The following AKAP9 variants were observed in gnomAD, a reference collection of about 807,000 sequenced individuals.
AKAP9 encodes the protein A-kinase anchor protein 9.
In AKAP9, 311 loss-of-function variants were observed where a neutral mutation model predicts 488.5. The ratio of observed to expected loss-of-function variants is 0.64; its 90% CI spans 0.58 to 0.70. The LOEUF is 0.70. AKAP9 is among the 30% of genes least tolerant of loss of function. AKAP9 has a pLI of 0.00. For synonymous variants in AKAP9, 1,462 were observed against 1,483.5 expected, an observed-to-expected ratio of 0.99 and a Z score of 0.33; for missense variants, 4,215 against 4,374.5, an observed-to-expected ratio of 0.96 and a Z score of 1.03.
Position 92,038,632 on chromosome 7 carries a change from A to G in AKAP9, c.4552A>G (p.Ser1518Gly), listed in dbSNP as rs776312514. ...ATTTAAAGAAGAATTTAAACCACTT[A>G]GTAAAGAGTTAGGAGAACATGGAAA... The part of the protein sequence containing the change: ...VKFKEEFKPL[S>G]KELGEHGKEI... Residue 1518 changes from serine to glycine, a missense_variant, in exon 17 of 50, where the codon AGT (serine) becomes GGT (glycine). Transcript: ENST00000356239. 9.9e-6 allele frequency: 16 copies of G among 1,613,640 alleles called. No homozygotes were observed. Among genetic ancestry groups the G allele is most frequent in the Non-Finnish European group, 1.4e-5 (16 of 1,179,786 alleles).
Position 92,011,390 on chromosome 7 carries a change from T to C in AKAP9, c.3319-1039T>C, listed in dbSNP as rs535785006. On this transcript the variant is annotated intron_variant, in intron 8 of 49. Coordinates refer to ENST00000356239, the MANE Select transcript of AKAP9 (RefSeq NM_005751.5). Reference sequence around the variant, plus strand: ...TGAAGCATGTAAAGACCTCACTATATGCCAATATGTACCGTATTCATAGTG... The same window carrying C: ...TGAAGCATGTAAAGACCTCACTATACGCCAATATGTACCGTATTCATAGTG... Among the ~76,000 whole-genome samples the C allele has an allele frequency of 3.3e-5, 5 of 152,330 alleles. 1 individual carries two copies. Among genetic ancestry groups the C allele is most frequent in the African/African-American group, 1.2e-4 (5 of 41,584 alleles).
At chr7:92,053,415 A>G (rs1808304150) in intron 22 of AKAP9, among the ~76,000 whole-genome samples, 1 of 152,190 alleles carries the variant, frequency 6.6e-6, no homozygotes, top group East Asian at 1.9e-4. Context: ...TAAATAAATC[A>G]GAAGTGGTCA....
chr7:91,980,511 T>TTTTTTTTTTTTTTTTTTTTTTA (rs1796273541), intron 3 of AKAP9, among the ~76,000 whole-genome samples, 178 bp downstream of exon 3: 1 of 142,876 alleles, frequency 7.0e-6, no homozygotes, highest in Non-Finnish European at 1.5e-5. Flanking sequence ...TTTTTTTTTT[T>TTTTTTTTTTTTTTTTTTTTTTA]TTTTTTTCAG....
intron 1 of AKAP9, among the ~76,000 whole-genome samples, chr7:91,954,303 G>A (rs1047611911): frequency 6.6e-6 from 1 of 151,956 alleles, no homozygotes; most frequent in African/African-American, 2.4e-5. Flanking sequence ...TATTTATTTT[G>A]AGACAGGGTC....
intron 38 of AKAP9, chr7:92,089,942 A>G (rs148955157): frequency 2.0e-4 from 34 of 173,686 alleles, no homozygotes; most frequent in Non-Finnish European, 3.8e-4. Context: ...ACAAATTGCA[A>G]ATATGCAGTA....
chr7:92,032,315 G>T (rs375355085), intron 16 of AKAP9, among the ~76,000 whole-genome samples: 7 of 152,208 alleles, frequency 4.6e-5, no homozygotes, highest in South Asian at 2.1e-4. Flanking sequence ...TGACCAACGT[G>T]GAGAAACCCT....
At chr7:92,055,671 C>T (rs1176225903) in intron 22 of AKAP9, among the ~76,000 whole-genome samples, 1 of 151,900 alleles carries the variant, frequency 6.6e-6, no homozygotes, top group Non-Finnish European at 1.5e-5. Flanking sequence ...TCTTCTAAGT[C>T]ATTTTATTAT....
intron 3 of AKAP9, among the ~76,000 whole-genome samples, chr7:91,985,267 T>C (rs1190764179): frequency 6.6e-6 from 1 of 152,216 alleles, no homozygotes; most frequent in Non-Finnish European, 1.5e-5. Context: ...AAATAGCTCT[T>C]ATTATTTTGA....
chr7:91,996,162 T>G (rs1798379813), intron 7 of AKAP9: 1 of 266,594 alleles, frequency 3.8e-6, no homozygotes, highest in African/African-American at 2.2e-5. Flanking sequence ...GAGAAAAAAA[T>G]TGAATGTAGT....
Position 92,066,064 on chromosome 7 carries a change from T to C in AKAP9, c.6211-363T>C, listed in dbSNP as rs575454789. Among the ~76,000 whole-genome samples, 350 of 152,312 alleles carry C rather than the reference T, an allele frequency of 2.3e-3. 1 individual carries two copies. Among genetic ancestry groups the C allele is most frequent in the Admixed American group, 3.9e-3 (60 of 15,296 alleles). On this transcript the variant is annotated intron_variant, in intron 25 of 49. Transcript: ENST00000356239. ...AACTGATTTACCAAACAATTTGTTT[T>C]ATGGATTTTGTTTAATGGCTAAACT...
chr7:92,102,176 A>AATAG (rs1247145022), intron 45 of AKAP9, among the ~76,000 whole-genome samples: 1 of 138,052 alleles, frequency 7.2e-6, no homozygotes, highest in Non-Finnish European at 1.5e-5. Context: ...AAAAAAAATA[A>AATAG]ATAAATAAAT....
At chr7:92,093,000 A>G in intron 38 of AKAP9, 97 bp from the exon 39 acceptor site, 1 of 1,059,760 alleles carries the variant, frequency 9.4e-7, no homozygotes, top group South Asian at 1.5e-5. Context: ...CTTTGAAGTA[A>G]TCTCCTTAAC....
In AKAP9 at chr7:92,053,463, A is replaced by G. The variant is rs866483525; in HGVS notation, c.5601+505A>G. Reference sequence around the variant, plus strand: ...GGCTACTTGTTCTTAACAGGCTACTAGAGAGAAACTTCTCCAAAATTTGTT... The same window carrying G: ...GGCTACTTGTTCTTAACAGGCTACTGGAGAGAAACTTCTCCAAAATTTGTT... On this transcript the variant is annotated intron_variant, in intron 22 of 49. Transcript: ENST00000356239. 4.6e-5 allele frequency among the ~76,000 whole-genome samples: 7 copies of G among 152,288 alleles called. No homozygotes were observed. In the South Asian group the frequency reaches 1.0e-3, roughly 23 times the overall value.
In AKAP9 at chr7:91,947,367, G is replaced by A. The variant is rs549863181; in HGVS notation, c.48+6220G>A. Among the ~76,000 whole-genome samples the A allele has an allele frequency of 2.2e-3, 335 of 151,856 alleles. 1 individual carries two copies. The highest frequency in any genetic ancestry group is 4.1e-3 in the Admixed American group (62 of 15,252). On this transcript the variant is annotated intron_variant, in intron 1 of 49. Coordinates refer to ENST00000356239, the MANE Select transcript of AKAP9 (RefSeq NM_005751.5). ...AGCATTTTTTTTTCCCCCCGAGATG[G>A]AGTCTCACTCTGTCACCCAGGCTGG...
intron 5 of AKAP9, 135 bp from the exon 6 acceptor site, chr7:91,994,486 T>C: frequency 1.2e-6 from 1 of 803,858 alleles, no homozygotes; most frequent in South Asian, 1.9e-5. Context: ...AAGTTAATAG[T>C]TTTCAAATGT....
chr7:92,025,077 T>C (rs968747453), intron 14 of AKAP9, among the ~76,000 whole-genome samples: 8 of 152,192 alleles, frequency 5.3e-5, no homozygotes, highest in African/African-American at 1.7e-4. Flanking sequence ...ACTTGGAAAT[T>C]TGTGTTTTTA....
intron 16 of AKAP9, among the ~76,000 whole-genome samples, chr7:92,034,456 A>C (rs1012704453): frequency 6.7e-6 from 1 of 148,890 alleles, no homozygotes; most frequent in Non-Finnish European, 1.5e-5. Flanking sequence ...TTATATAGGT[A>C]GAGTTGTATT....
At position 92,097,677 on chromosome 7, in the gene AKAP9, A is replaced by C; in HGVS notation, c.10490A>C (p.Lys3497Thr). ...EGETKESNYA[K>T]LIEMNGGGTG... ...GAAACAAAAGAATCAAACTACGCTAAATTGATTGAAATGAATGGAGGAGGA... is the reference window on the plus strand; with the variant it reads ...GAAACAAAAGAATCAAACTACGCTACATTGATTGAAATGAATGGAGGAGGA... Residue 3497 changes from lysine (K) to threonine (T), a missense_variant, in exon 42 of 50, where the codon AAA (lysine) becomes ACA (threonine). Physicochemically the swap from Lys to Thr is moderately conservative, Grantham distance 78. This residue lies in a region of AKAP9 where 1,476 missense variants were observed against 1,477.4 expected (regional missense o/e 1.00). Coordinates refer to ENST00000356239, the MANE Select transcript of AKAP9 (RefSeq NM_005751.5). 1 of 1,614,126 alleles carries C rather than the reference A, an allele frequency of 6.2e-7. No homozygotes were observed. Among genetic ancestry groups the C allele is most frequent in the Non-Finnish European group, 8.5e-7 (1 of 1,179,918 alleles).
chr7:92,094,202 T>C (rs1816131457), intron 39 of AKAP9, among the ~76,000 whole-genome samples: 1 of 152,122 alleles, frequency 6.6e-6, no homozygotes, highest in African/African-American at 2.4e-5. Flanking sequence ...GTTGTTTGCA[T>C]TGATAATTAA....
Sources: allele counts gnomAD v4.1 joint callset (sites outside exome capture counted in the v4.1 genomes callset), GRCh38; gene constraint gnomAD v4.1.1; regional missense constraint gnomAD v4.1.1; transcripts MANE v1.5; gene names NCBI Gene and HGNC (gene_info 2026-07-23, HGNC 2026-07-21).